Variants in ZSWIM5 observed in about 807,000 individuals in gnomAD.
The protein encoded by ZSWIM5 is zinc finger SWIM domain-containing protein 5.
In ZSWIM5, 55 loss-of-function variants were observed where a neutral mutation model predicts 119.6. That is an observed-to-expected ratio of 0.46 (90% CI 0.37 to 0.58). ZSWIM5 has a LOEUF of 0.58. Ranked by LOEUF, ZSWIM5 falls within the 20% of genes least tolerant of loss-of-function variation. The probability of loss-of-function intolerance (pLI) is 0.00; values close to 1 mark genes in which losing one functional copy is unlikely to be tolerated. For synonymous variants in ZSWIM5, 537 were observed against 606.9 expected (o/e 0.88, Z 1.69); for missense variants, 1,193 against 1,512.8 (o/e 0.79, Z 3.51).
At chr1:45,161,985 T>C (rs1208540934) in intron 1 of ZSWIM5, among the ~76,000 whole-genome samples, 1 of 152,232 alleles carries the variant, frequency 6.6e-6, no homozygotes, top group Non-Finnish European at 1.5e-5. Context: ...TTTAGGTTAG[T>C]CACTCCTCTG....
intron 2 of ZSWIM5, among the ~76,000 whole-genome samples, chr1:45,080,621 T>A (rs1006199955): frequency 1.3e-5 from 2 of 152,232 alleles, no homozygotes; most frequent in Admixed American, 1.3e-4. Flanking sequence ...TTGGTTCTTA[T>A]GTGGGTACTT....
At position 45,088,390 on chromosome 1, in the gene ZSWIM5, G is replaced by C. The variant is rs1371501843; in HGVS notation, c.596-153C>G. Among the ~76,000 whole-genome samples, 1 of 152,214 alleles carries C rather than the reference G, an allele frequency of 6.6e-6. No homozygotes were observed. Among genetic ancestry groups the C allele is most frequent in the East Asian group, 1.9e-4 (1 of 5,200 alleles). On this transcript the variant is annotated intron_variant, in intron 1 of 13. Coordinates refer to ENST00000359600, the MANE Select transcript of ZSWIM5 (RefSeq NM_020883.2). The surrounding 1 kb of genome is among the most constrained non-coding windows in gnomAD (Gnocchi z 4.2). The stretch of plus-strand genomic sequence containing the variant: ...CTTTGCCACAGACACAGAGGTCAAT[G>C]AAATTCAGTTACTGCTCTGAAGAAA...
intron 1 of ZSWIM5, among the ~76,000 whole-genome samples, chr1:45,170,156 A>C (rs1159255540): frequency 6.6e-6 from 1 of 152,114 alleles, no homozygotes; most frequent in Non-Finnish European, 1.5e-5. Context: ...AATAATGTCA[A>C]GGTGGACTTT....
At chr1:45,076,306 G>C (rs1357389286) in intron 2 of ZSWIM5, among the ~76,000 whole-genome samples, 4 of 152,078 alleles carry the variant, frequency 2.6e-5, no homozygotes, top group Non-Finnish European at 4.4e-5. Context: ...CCAGTCTGGT[G>C]TTGATGAAAA....
chr1:45,140,450 A>G (rs1263057687), intron 1 of ZSWIM5, among the ~76,000 whole-genome samples: 1 of 152,214 alleles, frequency 6.6e-6, no homozygotes, highest in Non-Finnish European at 1.5e-5. Flanking sequence ...CTAATATGCC[A>G]ACAAAGGAGA....
At chr1:45,125,836 C>A (rs1186601528) in intron 1 of ZSWIM5, among the ~76,000 whole-genome samples, 1 of 150,878 alleles carries the variant, frequency 6.6e-6, no homozygotes, top group East Asian at 2.0e-4. Context: ...GAGGCCAAGG[C>A]AGGAGAATCG....
intron 2 of ZSWIM5, among the ~76,000 whole-genome samples, chr1:45,083,150 G>A (rs1645304590): frequency 6.6e-6 from 1 of 152,210 alleles, no homozygotes; most frequent in African/African-American, 2.4e-5. Flanking sequence ...CACTCAAATA[G>A]AGAGAGCTCA....
intron 2 of ZSWIM5, among the ~76,000 whole-genome samples, chr1:45,086,008 G>A (rs1645327254): frequency 6.6e-6 from 1 of 152,096 alleles, no homozygotes; most frequent in Non-Finnish European, 1.5e-5. Flanking sequence ...CCTGAGAATC[G>A]GTAATTTATT....
intron 1 of ZSWIM5, among the ~76,000 whole-genome samples, chr1:45,142,615 T>C (rs1023987735): frequency 3.9e-5 from 6 of 152,054 alleles, no homozygotes; most frequent in Non-Finnish European, 8.8e-5. Flanking sequence ...GTATGAGCCA[T>C]GGTGCCTGGC....
At chr1:45,136,562 T>C (rs982139064) in intron 1 of ZSWIM5, among the ~76,000 whole-genome samples, 3 of 152,188 alleles carry the variant, frequency 2.0e-5, no homozygotes, top group African/African-American at 7.2e-5. Flanking sequence ...TTTTCCCTCT[T>C]GGTGTTTAGT....
chr1:45,073,756 C>A (rs1645238875), intron 2 of ZSWIM5, among the ~76,000 whole-genome samples: 1 of 151,800 alleles, frequency 6.6e-6, no homozygotes, highest in Admixed American at 6.6e-5. Flanking sequence ...CTAGCTAGGA[C>A]CTTCAGCATT....
intron 1 of ZSWIM5, among the ~76,000 whole-genome samples, chr1:45,128,978 A>C (rs148537668): frequency 6.6e-6 from 1 of 152,004 alleles, no homozygotes; most frequent in Non-Finnish European, 1.5e-5. Context: ...AGCTCTTTTT[A>C]GCACCAAAAA....
chr1:45,092,507 G>A (rs543813430), intron 1 of ZSWIM5, among the ~76,000 whole-genome samples: 3 of 147,876 alleles, frequency 2.0e-5, no homozygotes, highest in Non-Finnish European at 4.5e-5. Context: ...ATCTTGGCCA[G>A]GCTGGTCTTG....
At chr1:45,115,213 G>A (rs1009345939) in intron 1 of ZSWIM5, among the ~76,000 whole-genome samples, 1 of 150,782 alleles carries the variant, frequency 6.6e-6, no homozygotes, top group Non-Finnish European at 1.5e-5. Flanking sequence ...CTTCCCAGAT[G>A]GGGCAGCCAG....
At chr1:45,144,374 A>G (rs1645748561) in intron 1 of ZSWIM5, among the ~76,000 whole-genome samples, 2 of 151,866 alleles carry the variant, frequency 1.3e-5, no homozygotes, top group Non-Finnish European at 2.9e-5. Flanking sequence ...GAAAAAAAAA[A>G]AAAGAAAAAA....
intron 10 of ZSWIM5, among the ~76,000 whole-genome samples, 186 bp from the exon 11 acceptor site, chr1:45,034,655 T>G (rs929648302): frequency 2.0e-4 from 30 of 152,228 alleles, no homozygotes; most frequent in African/African-American, 6.8e-4. Context: ...TTAAGAGTAC[T>G]CAACGCTGAA....
rs1201052756 is a variant in ZSWIM5, at chr1:45,036,255, C to A, written c.1939G>T (p.Ala647Ser). 7 of 1,613,874 alleles carry A rather than the reference C, an allele frequency of 4.3e-6. No homozygotes were observed. The highest frequency in any genetic ancestry group is 5.9e-6 in the Non-Finnish European group (7 of 1,180,028). Residue 647 changes from alanine (A) to serine (S), a missense_variant, in exon 9 of 14, where the codon GCT becomes TCT. Coordinates refer to ENST00000359600, the MANE Select transcript of ZSWIM5 (RefSeq NM_020883.2). ...RPPVYQHVPV[A>S]AGSPNSSESY... ...TCACTGCTGTTTGGGGAGCCTGCAG[C>A]CACAGGTACATGCTGGTACACAGGG... is the stretch of plus-strand genomic sequence containing the variant.
intron 4 of ZSWIM5, among the ~76,000 whole-genome samples, chr1:45,055,347 A>G (rs1282550600): frequency 6.6e-6 from 1 of 151,832 alleles, no homozygotes; most frequent in East Asian, 1.9e-4. Flanking sequence ...GCTTGTCTTG[A>G]ACCCCTGACC....
intron 2 of ZSWIM5, among the ~76,000 whole-genome samples, chr1:45,062,682 T>C (rs999004472): frequency 5.3e-5 from 8 of 152,088 alleles, no homozygotes; most frequent in Non-Finnish European, 1.0e-4. Flanking sequence ...TTTTTAAATT[T>C]TTTTTGTAGA....
Sources: gnomAD v4.1 joint callset for allele counts (sites outside exome capture counted in the v4.1 genomes callset) on GRCh38, gnomAD v4.1.1 for gene constraint, Gnocchi (gnomAD v3.1) non-coding constraint, MANE v1.5 for transcripts, NCBI Gene and HGNC (gene_info 2026-07-23, HGNC 2026-07-21) for gene names.